Variants in PPFIA2 observed in about 807,000 individuals in gnomAD.
The protein encoded by PPFIA2 is PPFI scaffold protein A2.
In PPFIA2, 46 loss-of-function variants were observed where a neutral mutation model predicts 175.5. That is an observed-to-expected ratio of 0.26 (90% confidence interval 0.21 to 0.34). The LOEUF (loss-of-function observed/expected upper bound fraction) is 0.34, where lower values mean the gene tolerates loss of function less well. Ranked by LOEUF, PPFIA2 falls within the 10% of genes least tolerant of loss-of-function variation. The probability of loss-of-function intolerance (pLI) is 1.00; values close to 1 mark genes in which losing one functional copy is unlikely to be tolerated. For missense variants in PPFIA2, 1,179 were observed against 1,506.1 expected (o/e 0.78, Z 3.60); for synonymous variants, 568 against 511.4 (o/e 1.11, Z -1.49).
chr12:81,337,453 C>T (rs1441541291), intron 21 of PPFIA2, among the ~76,000 whole-genome samples: 1 of 152,040 alleles, frequency 6.6e-6, no homozygotes. Flanking sequence ...TCTGCTCTGA[C>T]CTAAAACACA....
At chr12:81,392,489 G>A (rs1311080034) in intron 8 of PPFIA2, among the ~76,000 whole-genome samples, 4 of 151,878 alleles carry the variant, frequency 2.6e-5, no homozygotes, top group African/African-American at 4.8e-5. Context: ...CCTGTGGAGT[G>A]AAGTAGGGGG....
intron 3 of PPFIA2, among the ~76,000 whole-genome samples, chr12:81,715,361 G>A (rs1279191288): frequency 2.6e-5 from 4 of 151,646 alleles, no homozygotes; most frequent in African/African-American, 9.7e-5. Context: ...AGCGAAATCG[G>A]TATGTGTTCT....
intron 3 of PPFIA2, among the ~76,000 whole-genome samples, chr12:81,727,143 C>T (rs1057265146): frequency 1.3e-5 from 2 of 151,224 alleles, no homozygotes; most frequent in Admixed American, 6.6e-5. Context: ...AAGCATTAGG[C>T]CAAGGAATTC....
At chr12:81,598,626 T>C (rs1361286124) in intron 4 of PPFIA2, among the ~76,000 whole-genome samples, 1 of 150,778 alleles carries the variant, frequency 6.6e-6, no homozygotes, top group Non-Finnish European at 1.5e-5. Flanking sequence ...ATGTGATTTT[T>C]TTTTTACAAA....
chr12:81,556,081 C>T (rs2068810042), intron 4 of PPFIA2, among the ~76,000 whole-genome samples: 3 of 151,922 alleles, frequency 2.0e-5, no homozygotes, highest in African/African-American at 7.2e-5. Flanking sequence ...ATGTGGGAAA[C>T]ACTGGACTGG....
At chr12:81,321,923 T>G (rs1010418056) in intron 22 of PPFIA2, among the ~76,000 whole-genome samples, 5 of 152,170 alleles carry the variant, frequency 3.3e-5, no homozygotes, top group Non-Finnish European at 5.9e-5. Flanking sequence ...TAACCCCGAA[T>G]TCATAGGCTC....
Position 81,529,836 on chromosome 12 carries a change from G to A in PPFIA2, c.304-71970C>T, listed in dbSNP as rs569030009. On this transcript the variant is annotated intron_variant, in intron 4 of 32. Transcript: ENST00000549396. ...GGCTACTGGAGGGTAGAGGGTGAGA[G>A]GTGAGAGAGGATAAAGAAAAATAAC... Among the ~76,000 whole-genome samples, 15 of 151,840 alleles carry A rather than the reference G, an allele frequency of 9.9e-5. 1 individual carries two copies. In the South Asian group the frequency reaches 3.1e-3, roughly 32 times the overall value.
intron 3 of PPFIA2, among the ~76,000 whole-genome samples, chr12:81,702,555 T>C (rs902330272): frequency 1.3e-5 from 2 of 152,094 alleles, no homozygotes; most frequent in Admixed American, 1.3e-4. Flanking sequence ...GTAAGGATTG[T>C]GGGTTTTAAT....
intron 15 of PPFIA2, among the ~76,000 whole-genome samples, chr12:81,360,947 G>A (rs180748097): frequency 6.6e-6 from 1 of 151,708 alleles, no homozygotes; most frequent in East Asian, 1.9e-4. Context: ...GTACAAATAT[G>A]TATTTATTTA....
chr12:81,347,126 CT>C (rs34994320), intron 18 of PPFIA2, among the ~76,000 whole-genome samples: 55,797 of 150,484 alleles, frequency 0.37, 12,138 homozygotes, highest in African/African-American at 0.61. Context: ...TTTTTCTTTT[CT>C]TTTTTTTTGA....
rs765382582 is a variant in PPFIA2, at chr12:81,353,116, T to C, written c.1994+3A>G. On this transcript the variant is annotated splice_donor_region_variant and intron_variant, in intron 17 of 32. Coordinates refer to ENST00000549396, the MANE Select transcript of PPFIA2 (RefSeq NM_003625.5). ...TGAAATCATCAGTACTAATTGAAGTTACCTGATTTCTTTGTTGATGGCATC... is the reference window on the plus strand; with the variant it reads ...TGAAATCATCAGTACTAATTGAAGTCACCTGATTTCTTTGTTGATGGCATC... The C allele has an allele frequency of 3.1e-6, 5 of 1,612,804 alleles. 1 individual carries two copies. In the South Asian group the frequency reaches 5.5e-5, roughly 18 times the overall value.
chr12:81,339,413 A>T (rs1469705289), intron 20 of PPFIA2, 79 bp from the exon 21 acceptor site: 1 of 1,121,990 alleles, frequency 8.9e-7, no homozygotes, highest in Non-Finnish European at 1.2e-6. Flanking sequence ...AATGCACCAA[A>T]GGAGGAACAA....
Position 81,284,284 on chromosome 12 carries a change from A to T in PPFIA2, c.2945T>A (p.Val982Glu). 6.3e-7 allele frequency: 1 copy of T among 1,597,050 alleles called. No individual in the cohort carries two copies. The highest frequency in any genetic ancestry group is 8.6e-7 in the Non-Finnish European group (1 of 1,167,520). The change falls in exon 25 of 33, where the codon GTG (valine) becomes GAG (glutamate). Residue 982 changes from valine (V) to glutamate (E), a missense_variant. Physicochemically the swap from Val to Glu is moderately radical, Grantham distance 121 (BLOSUM62 -2). Transcript: ENST00000549396. ...AAGATTTTCCATTTCTTCATGAGTC[A>T]CCCAAACGTTGCCTGAAGGCTAGTG... ...TSRTPSGNVWVTHEEMENLAA... is the reference protein window; with the variant it reads ...TSRTPSGNVWETHEEMENLAA...
intron 21 of PPFIA2, among the ~76,000 whole-genome samples, chr12:81,327,027 T>C (rs905519168): frequency 2.0e-5 from 3 of 152,082 alleles, no homozygotes; most frequent in Non-Finnish European, 4.4e-5. Flanking sequence ...TAAAATATCT[T>C]ACCAAGGTGC....
At chr12:81,416,138 T>C (rs1249102338) in intron 7 of PPFIA2, among the ~76,000 whole-genome samples, 2 of 151,476 alleles carry the variant, frequency 1.3e-5, no homozygotes, top group African/African-American at 2.4e-5. Flanking sequence ...TGGCATAATA[T>C]GGAAGAATAG....
At chr12:81,308,681 T>C in intron 22 of PPFIA2, among the ~76,000 whole-genome samples, 1 of 152,240 alleles carries the variant, frequency 6.6e-6, no homozygotes, top group Middle Eastern at 3.2e-3. Context: ...GGTTAATACA[T>C]AAGGTCTTTA....
intron 3 of PPFIA2, among the ~76,000 whole-genome samples, chr12:81,743,501 G>A (rs1226411307): frequency 6.7e-6 from 1 of 150,270 alleles, no homozygotes; most frequent in East Asian, 1.9e-4. Context: ...AGAGTGGTGG[G>A]GGGGTGTTAA....
intron 4 of PPFIA2, among the ~76,000 whole-genome samples, chr12:81,618,876 G>T (rs763814321): frequency 2.0e-5 from 3 of 152,146 alleles, no homozygotes; most frequent in African/African-American, 4.8e-5. Flanking sequence ...TATTTGTTGA[G>T]TGATATTATT....
At chr12:81,372,552 A>C in intron 11 of PPFIA2, among the ~76,000 whole-genome samples, 1 of 150,584 alleles carries the variant, frequency 6.6e-6, no homozygotes, top group African/African-American at 2.4e-5. Flanking sequence ...TAGACCCTAA[A>C]GGTCTTGAGA....
Sources: allele counts gnomAD v4.1 joint callset (sites outside exome capture counted in the v4.1 genomes callset), GRCh38; gene constraint gnomAD v4.1.1; transcripts MANE v1.5; gene names NCBI Gene and HGNC (gene_info 2026-07-23, HGNC 2026-07-21).